Variants in RTTN observed in about 807,000 individuals in gnomAD.
RTTN encodes rotatin.
A neutral mutation model predicts 269.2 loss-of-function variants in RTTN; 182 were observed. The ratio of observed to expected loss-of-function variants is 0.68; its 90% CI spans 0.60 to 0.76. The LOEUF (loss-of-function observed/expected upper bound fraction) is 0.76, where lower values mean the gene tolerates loss of function less well. Among genes scored for constraint, RTTN ranks in the 30% least tolerant of loss-of-function variants. The pLI is 0.00. For missense variants in RTTN, 2,545 were observed against 2,608.6 expected, an observed-to-expected ratio of 0.98 and a Z score of 0.53; for synonymous variants, 1,006 against 963.5, an observed-to-expected ratio of 1.04 and a Z score of -0.82.
chr18:70,044,728 G>C (rs952701128), intron 40 of RTTN, among the ~76,000 whole-genome samples: 2 of 152,100 alleles, frequency 1.3e-5, no homozygotes, highest in African/African-American at 2.4e-5. Context: ...TCATCAGTCT[G>C]ATAACCAAGA....
chr18:70,095,638 GC>G lies in RTTN; in HGVS notation c.3904-2835del, dbSNP rs530959863. The stretch of plus-strand genomic sequence containing the variant: ...ATAGGCCCCCACTCTCTTCTGGCTT[GC>G]AGGGTGTCTGAGAGAGATCCGCTGG... On this transcript the variant is annotated intron_variant, in intron 28 of 48. Transcript: ENST00000640769. Among the ~76,000 whole-genome samples, 96 of 152,268 alleles carry G rather than the reference GC, an allele frequency of 6.3e-4. 1 individual carries two copies. In the South Asian group the frequency reaches 0.019, roughly 30 times the overall value.
intron 8 of RTTN, among the ~76,000 whole-genome samples, chr18:70,191,752 T>C (rs1000436854): frequency 6.6e-6 from 1 of 152,234 alleles, no homozygotes; most frequent in Admixed American, 6.5e-5. Context: ...CATTTAAATT[T>C]GCCCAAATTA....
At chr18:70,065,765 T>C in intron 35 of RTTN, 64 bp downstream of exon 35, 1 of 1,081,418 alleles carries the variant, frequency 9.2e-7, no homozygotes, top group Admixed American at 2.5e-5. Context: ...ACTTTCAAAA[T>C]ATCTGTCTGG....
intron 28 of RTTN, among the ~76,000 whole-genome samples, chr18:70,102,875 C>A (rs113538274): frequency 2.4e-4 from 36 of 152,212 alleles, no homozygotes; most frequent in Non-Finnish European, 4.6e-4. Context: ...AAATTCTTTT[C>A]TTTAAGAATG....
intron 33 of RTTN, 25 bp from the exon 34 acceptor site, chr18:70,074,019 C>T (rs763070751): frequency 4.0e-5 from 57 of 1,439,776 alleles, no homozygotes; most frequent in Admixed American, 8.4e-5. Flanking sequence ...AAATTGTTAA[C>T]ATGGACACCC....
At chr18:70,182,125 C>G (rs1568527552) in intron 10 of RTTN, among the ~76,000 whole-genome samples, 1 of 151,978 alleles carries the variant, frequency 6.6e-6, no homozygotes, top group Non-Finnish European at 1.5e-5. Context: ...AGTGTGATAA[C>G]CTTAAGGACT....
In RTTN at chr18:70,169,044, A is replaced by G. The variant is rs1279001955; in HGVS notation, c.1500T>C (p.Pro500=). Residue 500 remains proline, a synonymous_variant, in exon 12 of 49, where the codon CCT becomes CCC. Coordinates refer to ENST00000640769, the MANE Select transcript of RTTN (RefSeq NM_173630.4). ...AAAGGAGAAATAATGCTGTTGACATAGGCTCTGATAAAAACTCGCTTGCCT... is the reference window on the plus strand; with the variant it reads ...AAAGGAGAAATAATGCTGTTGACATGGGCTCTGATAAAAACTCGCTTGCCT... ...VEKASEFLSE[P]MSTALFLLSL... is the part of the protein sequence containing the mutation. 6.3e-7 allele frequency: 1 copy of G among 1,599,538 alleles called. No homozygotes were observed. Among genetic ancestry groups the G allele is most frequent in the Admixed American group, 1.8e-5 (1 of 56,814 alleles).
At chr18:70,173,995 GAGA>G in intron 11 of RTTN, among the ~76,000 whole-genome samples, 1 of 152,230 alleles carries the variant, frequency 6.6e-6, no homozygotes, top group Middle Eastern at 3.4e-3. Context: ...GTGTGGCTTG[GAGA>G]AGGAGGGAGA....
chr18:70,045,961 A>C (rs2057478986), intron 40 of RTTN, among the ~76,000 whole-genome samples: 2 of 152,206 alleles, frequency 1.3e-5, no homozygotes, highest in South Asian at 4.1e-4. Context: ...AAAGGTAACA[A>C]AAAAATTATA....
chr18:70,204,948 G>T (rs2062038719), intron 2 of RTTN, among the ~76,000 whole-genome samples, 180 bp downstream of exon 2: 1 of 152,122 alleles, frequency 6.6e-6, no homozygotes, highest in East Asian at 1.9e-4. Context: ...GAGACCATGT[G>T]GGATTCAGTA....
intron 17 of RTTN, among the ~76,000 whole-genome samples, chr18:70,147,231 CAGT>C (rs2060416324): frequency 6.6e-6 from 1 of 152,140 alleles, no homozygotes; most frequent in Non-Finnish European, 1.5e-5. Flanking sequence ...TTACAGTCAA[CAGT>C]AGATCACATA....
chr18:70,028,699 AATTTTGAAAAGTAGTTCTACTTACTTTAC>A lies in RTTN; in HGVS notation c.5819_5823+24del. ...TGCTTAATACCAGTACTCCTATTAA[AATTTTGAAAAGTAGTTCTACTTACTTTAC>A]ATTCCTCATTTTGATAAAGACAGTT... On this transcript the variant is annotated splice_donor_variant and splice_donor_5th_base_variant and coding_sequence_variant and intron_variant, in exon 43 of 49. Transcript: ENST00000640769. LOFTEE classifies it high-confidence loss of function. 1 of 1,498,636 alleles carries A rather than the reference AATTTTGAAAAGTAGTTCTACTTACTTTAC, an allele frequency of 6.7e-7. No individual in the cohort carries two copies. Among genetic ancestry groups the A allele is most frequent in the Non-Finnish European group, 9.2e-7 (1 of 1,083,132 alleles). 92.8% of individuals were successfully genotyped at this position (1,498,636 alleles called of 1,614,324 possible).
In RTTN at chr18:70,109,236, C is replaced by T. The variant is rs116279002; in HGVS notation, c.3903+262G>A. 4.5e-3 allele frequency among the ~76,000 whole-genome samples: 686 copies of T among 152,158 alleles called. 5 individuals carry two copies. The highest frequency in any genetic ancestry group is 0.016 in the African/African-American group (647 of 41,504). On this transcript the variant is annotated intron_variant, in intron 28 of 48. Transcript: ENST00000640769. ...GGTTGAGCATTCCTAATCCAAAAAT[C>T]CAAAATCTGAAATGCTCTAGCGAAC... is the stretch of plus-strand genomic sequence containing the variant.
intron 19 of RTTN, 83 bp downstream of exon 19, chr18:70,142,205 T>C: frequency 3.5e-6 from 3 of 860,020 alleles, no homozygotes; most frequent in East Asian, 2.5e-5. Context: ...TAAACCATAG[T>C]TGCCAACTCC....
At position 70,109,721 on chromosome 18, in the gene RTTN, T is replaced by C. The variant is rs1359355984; in HGVS notation, c.3684-4A>G. ...GTAAAGAAGTTCCGAGCATTTCCTA[T>C]GTATGCAAAAGAGGGAAAATCAACC... On this transcript the variant is annotated splice_polypyrimidine_tract_variant and splice_region_variant and intron_variant, in intron 27 of 48. Coordinates refer to ENST00000640769, the MANE Select transcript of RTTN (RefSeq NM_173630.4). The C allele has an allele frequency of 6.2e-7, 1 of 1,613,148 alleles. No homozygotes were observed. Among genetic ancestry groups the C allele is most frequent in the Admixed American group, 1.7e-5 (1 of 59,984 alleles).
intron 40 of RTTN, among the ~76,000 whole-genome samples, chr18:70,041,043 C>T (rs1368899326): frequency 1.3e-5 from 2 of 151,650 alleles, no homozygotes; most frequent in African/African-American, 2.4e-5. Flanking sequence ...AACAAACATG[C>T]GAAAAATATA....
chr18:70,078,965 A>G (rs906542260), intron 32 of RTTN, among the ~76,000 whole-genome samples: 1 of 152,118 alleles, frequency 6.6e-6, no homozygotes, highest in Non-Finnish European at 1.5e-5. Context: ...TGACCAGTGG[A>G]GAAATAAGAG....
intron 46 of RTTN, among the ~76,000 whole-genome samples, 186 bp downstream of exon 46, chr18:70,017,221 G>A (rs905850919): frequency 1.3e-5 from 2 of 152,154 alleles, no homozygotes; most frequent in East Asian, 1.9e-4. Context: ...GCTAACCTCA[G>A]GAGACTCCTG....
chr18:70,017,673 C>T lies in RTTN; in HGVS notation c.6155G>A (p.Ser2052Asn). The T allele has an allele frequency of 1.2e-6, 2 of 1,608,264 alleles. No individual in the cohort carries two copies. The highest frequency in any genetic ancestry group is 8.5e-7 in the Non-Finnish European group (1 of 1,176,936). Residue 2052 changes from serine to asparagine, a missense_variant and splice_region_variant, in exon 46 of 49, where the codon AGT becomes AAT. Physicochemically the swap from Ser to Asn is conservative, Grantham distance 46. Transcript: ENST00000640769. ...SHDCKGVIQKSNFLQNFLSLA... is the reference protein window; with the variant it reads ...SHDCKGVIQKNNFLQNFLSLA... ...AGAGAGGAAGTTCTGTAAGAAGTTA[C>T]TCTGTGGATAAATAGAGAGAATATT... is the stretch of plus-strand genomic sequence containing the variant.
Sources: allele counts gnomAD v4.1 joint callset (sites outside exome capture counted in the v4.1 genomes callset), GRCh38; gene constraint gnomAD v4.1.1; transcripts MANE v1.5; gene names NCBI Gene and HGNC (gene_info 2026-07-23, HGNC 2026-07-21).